Variants in CD28 observed in about 807,000 individuals in gnomAD.
The protein encoded by CD28 is CD28 molecule.
A neutral mutation model predicts 21.4 loss-of-function variants in CD28; 8 were observed. The ratio of observed to expected loss-of-function variants is 0.37; its 90% CI spans 0.22 to 0.68. CD28 has a LOEUF of 0.68. Ranked by LOEUF, CD28 falls within the 30% of genes least tolerant of loss-of-function variation. CD28 has a pLI of 0.55. For synonymous variants in CD28, 106 were observed against 104.0 expected (o/e 1.02, Z -0.12); for missense variants, 239 against 272.2 (o/e 0.88, Z 0.86).
At chr2:203,712,414 T>C (rs1226165778) in intron 1 of CD28, among the ~76,000 whole-genome samples, 1 of 152,124 alleles carries the variant, frequency 6.6e-6, no homozygotes, top group Non-Finnish European at 1.5e-5. Context: ...TTTGCCTACA[T>C]TATTTTTATA....
chr2:203,707,686 A>G (rs1451736305), intron 1 of CD28, among the ~76,000 whole-genome samples: 5 of 152,380 alleles, frequency 3.3e-5, no homozygotes, highest in Admixed American at 3.3e-4. Context: ...ACTTCATTTC[A>G]GATGAAGAGA....
rs1694005292 is a variant in CD28, at chr2:203,735,390, A to G, written c.*478A>G. The stretch of plus-strand genomic sequence containing the variant: ...AAGTTAGAGTAGGGGGAGGGATAGG[A>G]AGACATATTTAAAAACCATTAAAAC... On this transcript the variant is annotated 3_prime_UTR_variant, in exon 4 of 4. Transcript: ENST00000324106. 1 of 158,846 alleles carries G rather than the reference A, an allele frequency of 6.3e-6. No homozygotes were observed. The allele number at this position is 158,846 out of a possible 1,614,324, so 9.8% of individuals were successfully genotyped here. A position where few individuals can be genotyped will look rare whatever the true frequency, so the allele number is the denominator to read the frequency against.
chr2:203,723,757 G>A (rs188343946), intron 1 of CD28, among the ~76,000 whole-genome samples: 1 of 152,312 alleles, frequency 6.6e-6, no homozygotes, highest in Admixed American at 6.5e-5. Context: ...GTCGGCAAGG[G>A]TGAGGATAAA....
chr2:203,707,001 T>TTATTAC (rs763734016), intron 1 of CD28, among the ~76,000 whole-genome samples: 23 of 151,342 alleles, frequency 1.5e-4, no homozygotes, highest in Non-Finnish European at 2.7e-4. Flanking sequence ...TCCCAAGAAT[T>TTATTAC]TATTATTATT....
chr2:203,729,680 G>A lies in CD28; in HGVS notation c.442G>A (p.Gly148Arg), dbSNP rs199956402. ...CCTTTGTCCAAGTCCCCTATTTCCCGGACCTTCTAAGCCCTTTTGGGTGCT... is the reference window on the plus strand; with the variant it reads ...CCTTTGTCCAAGTCCCCTATTTCCCAGACCTTCTAAGCCCTTTTGGGTGCT... ...KHLCPSPLFP[G>R]PSKPFWVLVV... Residue 148 changes from glycine to arginine, a missense_variant, in exon 3 of 4, where the codon GGA becomes AGA. Physicochemically the swap from Gly to Arg is moderately radical, Grantham distance 125. Around this residue, in one of 3 missense-constraint regions of CD28, gnomAD observed 112 missense variants for 112.8 expected, o/e 0.99. Coordinates refer to ENST00000324106, the MANE Select transcript of CD28 (RefSeq NM_006139.4). 7.9e-4 allele frequency: 1,281 copies of A among 1,613,786 alleles called. 2 individuals are homozygous for A. The highest frequency in any genetic ancestry group is 1.0e-3 in the Non-Finnish European group (1,190 of 1,179,910).
chr2:203,713,275 A>C (rs1693364848), intron 1 of CD28, among the ~76,000 whole-genome samples: 1 of 152,172 alleles, frequency 6.6e-6, no homozygotes, highest in Admixed American at 6.5e-5. Context: ...AATATTTCAG[A>C]ATCCTTATCT....
At chr2:203,724,671 C>T (rs1693691864) in intron 1 of CD28, among the ~76,000 whole-genome samples, 1 of 152,102 alleles carries the variant, frequency 6.6e-6, no homozygotes, top group African/African-American at 2.4e-5. Flanking sequence ...AAGGTGTGAG[C>T]CATCATCCCC....
At chr2:203,713,171 G>A (rs746858438) in intron 1 of CD28, among the ~76,000 whole-genome samples, 6 of 152,172 alleles carry the variant, frequency 3.9e-5, no homozygotes, top group South Asian at 4.1e-4. Flanking sequence ...GTGAAGCAGC[G>A]GAGAATCCAG....
intron 2 of CD28, among the ~76,000 whole-genome samples, chr2:203,729,139 C>T (rs3181108): frequency 0.92 from 139,659 of 152,264 alleles, 64,113 homozygotes; most frequent in East Asian, 0.99. Context: ...CCTAAAGATA[C>T]AAAGTGATTT....
chr2:203,731,033 A>G (rs1281962569), intron 3 of CD28, among the ~76,000 whole-genome samples: 2 of 152,226 alleles, frequency 1.3e-5, no homozygotes, highest in Non-Finnish European at 2.9e-5. Context: ...CTTGCAGTTC[A>G]GAAGACCCTA....
chr2:203,721,328 T>C (rs909157865), intron 1 of CD28, among the ~76,000 whole-genome samples: 10 of 152,184 alleles, frequency 6.6e-5, no homozygotes, highest in African/African-American at 2.2e-4. Context: ...CAGTAGATCT[T>C]CATCACCTTC....
intron 1 of CD28, among the ~76,000 whole-genome samples, chr2:203,716,685 T>C (rs1371693168): frequency 6.6e-6 from 1 of 152,196 alleles, no homozygotes; most frequent in African/African-American, 2.4e-5. Flanking sequence ...TTTGACTTAC[T>C]TTCTGACAGT....
intron 3 of CD28, among the ~76,000 whole-genome samples, chr2:203,732,912 A>T (rs1693934562): frequency 6.6e-6 from 1 of 152,154 alleles, no homozygotes; most frequent in Non-Finnish European, 1.5e-5. Context: ...TCATTATTTT[A>T]TGTGCAATGT....
At chr2:203,723,054 G>T (rs1693646113) in intron 1 of CD28, among the ~76,000 whole-genome samples, 1 of 152,154 alleles carries the variant, frequency 6.6e-6, no homozygotes, top group Non-Finnish European at 1.5e-5. Context: ...ATTGGCCTTG[G>T]AAAACCAAAG....
chr2:203,715,784 C>T (rs930918919), intron 1 of CD28, among the ~76,000 whole-genome samples: 1 of 152,114 alleles, frequency 6.6e-6, no homozygotes, highest in South Asian at 2.1e-4. Context: ...CCACTCATAC[C>T]CTTACCCAGT....
chr2:203,731,621 C>T (rs1391139998), intron 3 of CD28, among the ~76,000 whole-genome samples: 1 of 152,142 alleles, frequency 6.6e-6, no homozygotes, highest in African/African-American at 2.4e-5. Flanking sequence ...TATAAATATT[C>T]ATTAGAATGT....
chr2:203,732,851 C>T (rs1693932922), intron 3 of CD28, among the ~76,000 whole-genome samples: 1 of 152,166 alleles, frequency 6.6e-6, no homozygotes, highest in Non-Finnish European at 1.5e-5. Context: ...GTAAGTCTGC[C>T]ATCTGACAAT....
intron 1 of CD28, among the ~76,000 whole-genome samples, chr2:203,723,949 T>C (rs1316149758): frequency 1.3e-5 from 2 of 152,208 alleles, no homozygotes; most frequent in Admixed American, 1.3e-4. Context: ...CAAATGCTCA[T>C]AGTAGCATTA....
chr2:203,731,972 T>C (rs1457572152), intron 3 of CD28, among the ~76,000 whole-genome samples: 1 of 152,224 alleles, frequency 6.6e-6, no homozygotes, highest in East Asian at 1.9e-4. Flanking sequence ...CAAAAGAGTA[T>C]AAATACAAGT....
Sources: gnomAD v4.1 joint callset for allele counts (sites outside exome capture counted in the v4.1 genomes callset) on GRCh38, gnomAD v4.1.1 for gene constraint, gnomAD v4.1.1 regional missense constraint, MANE v1.5 for transcripts, NCBI Gene and HGNC (gene_info 2026-07-23, HGNC 2026-07-21) for gene names.